The following TMEFF1 variants were observed in gnomAD, a reference collection of about 807,000 sequenced individuals.
TMEFF1 encodes the protein tomoregulin-1.
A neutral mutation model predicts 47.5 loss-of-function variants in TMEFF1; 20 were observed. The observed-to-expected ratio is 0.42, with a 90% CI of 0.30 to 0.61. The LOEUF (loss-of-function observed/expected upper bound fraction) is 0.61. Among genes scored for constraint, TMEFF1 ranks in the 20% least tolerant of loss-of-function variants. The pLI is 0.19. For synonymous variants in TMEFF1, 162 were observed against 166.3 expected, an observed-to-expected ratio of 0.97 and a Z score of 0.20; for missense variants, 411 against 471.1, an observed-to-expected ratio of 0.87 and a Z score of 1.18.
At chr9:100,522,921 G>T (rs1838192248) in intron 5 of TMEFF1, among the ~76,000 whole-genome samples, 1 of 151,966 alleles carries the variant, frequency 6.6e-6, no homozygotes, top group African/African-American at 2.4e-5. Context: ...TTTTTTTTTA[G>T]TAGGGATGGG....
chr9:100,488,658 G>T (rs548419960), intron 1 of TMEFF1, among the ~76,000 whole-genome samples: 1 of 151,880 alleles, frequency 6.6e-6, no homozygotes, highest in African/African-American at 2.4e-5. Flanking sequence ...TTAATCCTCC[G>T]TCAGAATTTT....
intron 5 of TMEFF1, among the ~76,000 whole-genome samples, chr9:100,529,659 C>G (rs1838338259): frequency 6.6e-6 from 1 of 152,062 alleles, no homozygotes; most frequent in Non-Finnish European, 1.5e-5. Flanking sequence ...TTTTAACACC[C>G]CACTGTCAAC....
At chr9:100,566,174 C>T (rs1196339642) in intron 8 of TMEFF1, among the ~76,000 whole-genome samples, 2 of 152,188 alleles carry the variant, frequency 1.3e-5, no homozygotes, top group Non-Finnish European at 2.9e-5. Flanking sequence ...CACTTTGCTC[C>T]TTGACCTCTC....
chr9:100,561,787 C>G (rs532658758), intron 8 of TMEFF1, among the ~76,000 whole-genome samples: 1 of 151,740 alleles, frequency 6.6e-6, no homozygotes, highest in Non-Finnish European at 1.5e-5. Context: ...TGCCACATTC[C>G]AACACTATTT....
At chr9:100,532,890 A>G (rs1027586722) in intron 5 of TMEFF1, among the ~76,000 whole-genome samples, 9 of 152,148 alleles carry the variant, frequency 5.9e-5, no homozygotes, top group African/African-American at 1.2e-4. Flanking sequence ...TATATACACC[A>G]TGGAATACTA....
chr9:100,508,925 T>C, intron 2 of TMEFF1, 80 bp from the exon 3 acceptor site: 1 of 1,366,434 alleles, frequency 7.3e-7, no homozygotes, highest in Non-Finnish European at 9.5e-7. Context: ...CATAATGCTA[T>C]GGTATTGCAT....
intron 2 of TMEFF1, among the ~76,000 whole-genome samples, chr9:100,503,120 G>T (rs1357223549): frequency 6.6e-6 from 1 of 152,116 alleles, no homozygotes; most frequent in Admixed American, 6.5e-5. Flanking sequence ...TGCTTTAGCA[G>T]TATCTTTCAA....
intron 7 of TMEFF1, 118 bp from the exon 8 acceptor site, chr9:100,561,279 A>G (rs567447844): frequency 1.1e-5 from 16 of 1,494,902 alleles, no homozygotes; most frequent in Non-Finnish European, 1.4e-5. Context: ...TTTCTTTTCA[A>G]ATTGCCAGTA....
At chr9:100,508,289 G>A (rs1273235365) in intron 2 of TMEFF1, among the ~76,000 whole-genome samples, 1 of 151,876 alleles carries the variant, frequency 6.6e-6, no homozygotes, top group East Asian at 1.9e-4. Flanking sequence ...ATGTTTTCAG[G>A]TTTTCCTACA....
chr9:100,499,320 G>A (rs757265229), intron 2 of TMEFF1, among the ~76,000 whole-genome samples: 3 of 152,140 alleles, frequency 2.0e-5, no homozygotes, highest in Non-Finnish European at 4.4e-5. Flanking sequence ...CAAGGTTAGA[G>A]CTCGAATAGC....
intron 2 of TMEFF1, among the ~76,000 whole-genome samples, chr9:100,503,613 C>T (rs562946125): frequency 6.6e-6 from 1 of 151,788 alleles, no homozygotes; most frequent in South Asian, 2.1e-4. Flanking sequence ...GGAATTAGCT[C>T]ATTTGATTAT....
intron 8 of TMEFF1, among the ~76,000 whole-genome samples, chr9:100,566,935 T>C (rs1038638708): frequency 6.6e-6 from 1 of 152,082 alleles, no homozygotes; most frequent in South Asian, 2.1e-4. Flanking sequence ...TGCATTTTTT[T>C]GTAGACAGTT....
intron 5 of TMEFF1, among the ~76,000 whole-genome samples, chr9:100,545,598 A>G (rs1407564914): frequency 6.6e-6 from 1 of 152,240 alleles, no homozygotes; most frequent in East Asian, 1.9e-4. Flanking sequence ...GGGGATTAAC[A>G]TTCGACTGCT....
chr9:100,572,706 T>A (rs768372512), intron 9 of TMEFF1, 30 bp downstream of exon 9: 5 of 1,578,024 alleles, frequency 3.2e-6, no homozygotes, highest in Non-Finnish European at 4.3e-6. Context: ...ATATCAACTT[T>A]AAATTAGAGG....
At chr9:100,561,286 A>G in intron 7 of TMEFF1, 111 bp from the exon 8 acceptor site, 5 of 1,502,896 alleles carry the variant, frequency 3.3e-6, no homozygotes, top group South Asian at 1.4e-5. Flanking sequence ...TCAAATTGCC[A>G]GTAGGTGGTT....
intron 6 of TMEFF1, 72 bp from the exon 7 acceptor site, chr9:100,550,023 A>G: frequency 2.0e-6 from 3 of 1,524,670 alleles, no homozygotes; most frequent in Non-Finnish European, 2.6e-6. Flanking sequence ...AATAATTTGG[A>G]ATTATTGGGA....
At chr9:100,480,696 A>G (rs1837323503) in intron 1 of TMEFF1, among the ~76,000 whole-genome samples, 1 of 152,162 alleles carries the variant, frequency 6.6e-6, no homozygotes, top group Non-Finnish European at 1.5e-5. Flanking sequence ...GCAGACTTAC[A>G]CTCAAAAAAA....
At chr9:100,568,031 C>G (rs1381516684) in intron 8 of TMEFF1, among the ~76,000 whole-genome samples, 1 of 152,056 alleles carries the variant, frequency 6.6e-6, no homozygotes, top group Admixed American at 6.6e-5. Context: ...AAAGACCTGC[C>G]CCCATAATTC....
intron 1 of TMEFF1, among the ~76,000 whole-genome samples, chr9:100,481,742 T>C (rs958284876): frequency 6.6e-6 from 1 of 152,130 alleles, no homozygotes; most frequent in Non-Finnish European, 1.5e-5. Flanking sequence ...TTGTTTAGCC[T>C]GCACAGGTTT....
Sources: gnomAD v4.1 joint callset for allele counts (sites outside exome capture counted in the v4.1 genomes callset) on GRCh38, gnomAD v4.1.1 for gene constraint, MANE v1.5 for transcripts, NCBI Gene and HGNC (gene_info 2026-07-23, HGNC 2026-07-21) for gene names.